STMN3: variants seen among roughly 807,000 people sequenced by gnomAD.
The protein encoded by STMN3 is stathmin 3, also known as stathmin-3.
Under a neutral mutation model 23.2 loss-of-function variants are expected in STMN3, and 24 were observed. That is an observed-to-expected ratio of 1.03 (90% CI 0.75 to 1.45). The LOEUF (loss-of-function observed/expected upper bound fraction) is 1.45. Ranked by LOEUF, STMN3 falls within the 40% of genes most tolerant of loss-of-function variation. The pLI is 0.00. For synonymous variants in STMN3, 117 were observed against 103.4 expected (o/e 1.13, Z -0.80); for missense variants, 235 against 237.6 (o/e 0.99, Z 0.07).
chr20:63,642,367 T>A, intron 3 of STMN3, 68 bp from the exon 4 acceptor site: 1 of 1,205,546 alleles, frequency 8.3e-7, no homozygotes. Flanking sequence ...TCCTCCCTGC[T>A]CTCCGCCTCC....
At chr20:63,647,745 G>GTA (rs532361828) in intron 1 of STMN3, among the ~76,000 whole-genome samples, 1 of 111,696 alleles carries the variant, frequency 9.0e-6, no homozygotes, top group Non-Finnish European at 1.9e-5. Flanking sequence ...ATATACACGT[G>GTA]TATATATATA....
chr20:63,641,045 T>C lies in STMN3; in HGVS notation c.*293A>G, dbSNP rs2089756802. On this transcript the variant is annotated 3_prime_UTR_variant, in exon 5 of 5. Transcript: ENST00000370053. ...TGATCCCACGCCACCGCCCTGGGTT[T>C]ACCACGGTCACCGCCACCTCTCTCA... The C allele has an allele frequency of 3.9e-6, 2 of 508,568 alleles. No individual in the cohort carries two copies. The highest frequency in any genetic ancestry group is 2.0e-5 in the South Asian group (1 of 50,126). The allele number at this position is 508,568 out of a possible 1,614,324, so 31.5% of individuals were successfully genotyped here.
intron 1 of STMN3, among the ~76,000 whole-genome samples, chr20:63,647,176 C>G (rs528854896): frequency 6.6e-6 from 1 of 151,370 alleles, no homozygotes; most frequent in African/African-American, 2.4e-5. Context: ...GGCGTGGTGG[C>G]GGGCTCCTCT....
At position 63,652,860 on chromosome 20, in the gene STMN3, C is replaced by T; in HGVS notation, c.19+467G>A. 1.1e-6 allele frequency: 1 copy of T among 916,074 alleles called. No individual in the cohort carries two copies. Among genetic ancestry groups the T allele is most frequent in the Non-Finnish European group, 1.3e-6 (1 of 766,686 alleles). 56.7% of individuals were successfully genotyped at this position (916,074 alleles called of 1,614,324 possible). On this transcript the variant is annotated intron_variant, in intron 1 of 4. Coordinates refer to ENST00000370053, the MANE Select transcript of STMN3 (RefSeq NM_015894.4). This position sits in a 1 kb window ranked among gnomAD's most constrained non-coding sequence, Gnocchi z 5.3. ...CCCTCCAGCCCCTGTGCTGCACTGGCGCGGGGAGCGCCGGGTTCCCGGCTG... is the reference window on the plus strand; with the variant it reads ...CCCTCCAGCCCCTGTGCTGCACTGGTGCGGGGAGCGCCGGGTTCCCGGCTG...
rs2089872155 is a variant in STMN3 at position 63,652,940 on chromosome 20, G to A, written c.19+387C>T. On this transcript the variant is annotated intron_variant, in intron 1 of 4. Coordinates refer to ENST00000370053, the MANE Select transcript of STMN3 (RefSeq NM_015894.4). This position sits in a 1 kb window ranked among gnomAD's most constrained non-coding sequence, Gnocchi z 5.3. ...CCGCCTCCCCACGAAGGCTCTGGCGGACCCAGATCTCGGGTCGCCGGACGC... is the reference window on the plus strand; with the variant it reads ...CCGCCTCCCCACGAAGGCTCTGGCGAACCCAGATCTCGGGTCGCCGGACGC... Among the ~76,000 whole-genome samples, 3 of 152,140 alleles carry A rather than the reference G, an allele frequency of 2.0e-5. No individual in the cohort carries two copies. The South Asian group carries it at 6.2e-4, about 32-fold the overall frequency.
rs766973213 is a variant in STMN3, at chr20:63,641,377, C to T, written c.504G>A (p.Val168=). The T allele has an allele frequency of 1.3e-6, 2 of 1,568,500 alleles. No homozygotes were observed. The highest frequency in any genetic ancestry group is 2.4e-5 in the East Asian group (1 of 42,538). Residue 168 remains valine (V), a synonymous_variant, in exon 5 of 5, where the codon GTG becomes GTA. Transcript: ENST00000370053. Reference sequence around the variant, plus strand: ...CTTCTCGCTGCTCCTTGTTCCTGCGCACCTCGGCCGCGTGCAGCTCCTGCA... The same window carrying T: ...CTTCTCGCTGCTCCTTGTTCCTGCGTACCTCGGCCGCGTGCAGCTCCTGCA... ...LREKELHAAE[V]RRNKEQREEM...
chr20:63,643,927 C>G lies in STMN3; in HGVS notation c.120G>C (p.Met40Ile). ...CCCGCTTGTCCAGCTGCTTCACCTCCATGTCTGCAGGGCAAGACCAGAGTA... is the reference window on the plus strand; with the variant it reads ...CCCGCTTGTCCAGCTGCTTCACCTCGATGTCTGCAGGGCAAGACCAGAGTA... ...HPNTVYQYGD[M>I]EVKQLDKRAS... Residue 40 changes from methionine (M) to isoleucine (I), a missense_variant, in exon 3 of 5, where the codon ATG (methionine) becomes ATC (isoleucine). Coordinates refer to ENST00000370053, the MANE Select transcript of STMN3 (RefSeq NM_015894.4). The G allele has an allele frequency of 6.3e-7, 1 of 1,596,790 alleles. No homozygotes were observed. The highest frequency in any genetic ancestry group is 8.5e-7 in the Non-Finnish European group (1 of 1,175,666).
At chr20:63,644,155 G>T in intron 2 of STMN3, 59 bp downstream of exon 2, 2 of 1,513,846 alleles carry the variant, frequency 1.3e-6, no homozygotes, top group South Asian at 1.1e-5. Context: ...CGGAGGCCGG[G>T]GGAAAAGGTG....
chr20:63,641,264 G>C lies in STMN3; in HGVS notation c.*74C>G. ...GGAGGAGGAACAAAAGTTGCATCTA[G>C]ACAGAGGTGAACGAAACAAAACCAA... is the stretch of plus-strand genomic sequence containing the variant. On this transcript the variant is annotated 3_prime_UTR_variant, in exon 5 of 5. Coordinates refer to ENST00000370053, the MANE Select transcript of STMN3 (RefSeq NM_015894.4). 7.2e-7 allele frequency: 1 copy of C among 1,388,690 alleles called. No homozygotes were observed. The highest frequency in any genetic ancestry group is 1.0e-6 in the Non-Finnish European group (1 of 1,002,220). 86.0% of individuals were successfully genotyped at this position (1,388,690 alleles called of 1,614,324 possible).
At position 63,652,535 on chromosome 20, in the gene STMN3, C is replaced by G. The variant is rs1477526427; in HGVS notation, c.19+792G>C. 7 of 980,572 alleles carry G rather than the reference C, an allele frequency of 7.1e-6. No individual in the cohort carries two copies. Among genetic ancestry groups the G allele is most frequent in the Non-Finnish European group, 8.5e-6 (7 of 825,668 alleles). 60.7% of individuals were successfully genotyped at this position (980,572 alleles called of 1,614,324 possible). A position where few individuals can be genotyped will look rare whatever the true frequency, so the allele number is the denominator to read the frequency against. ...CTGCGCCCGCCCCTCCGCCTGAGCTCCGCGCGGGACGGGCCGGGAGGCCGG... is the reference window on the plus strand; with the variant it reads ...CTGCGCCCGCCCCTCCGCCTGAGCTGCGCGCGGGACGGGCCGGGAGGCCGG... On this transcript the variant is annotated intron_variant, in intron 1 of 4. Coordinates refer to ENST00000370053, the MANE Select transcript of STMN3 (RefSeq NM_015894.4). This position sits in a 1 kb window ranked among gnomAD's most constrained non-coding sequence, Gnocchi z 5.3.
At chr20:63,647,171 G>C (rs2089815425) in intron 1 of STMN3, among the ~76,000 whole-genome samples, 1 of 151,678 alleles carries the variant, frequency 6.6e-6, no homozygotes, top group Admixed American at 6.6e-5. Flanking sequence ...AGCCAGGCGT[G>C]GTGGCGGGCT....
At chr20:63,651,757 G>A (rs564494110) in intron 1 of STMN3, among the ~76,000 whole-genome samples, 7 of 152,334 alleles carry the variant, frequency 4.6e-5, no homozygotes, top group African/African-American at 1.4e-4. Context: ...GAGAGGTTAG[G>A]CAGCTCGGAC....
intron 3 of STMN3, among the ~76,000 whole-genome samples, chr20:63,642,615 G>A (rs527337519): frequency 1.3e-5 from 2 of 152,292 alleles, no homozygotes; most frequent in Admixed American, 6.5e-5. Context: ...ACCCTGCCCT[G>A]CGCGTCTGCC....
chr20:63,641,024 C>G lies in STMN3; in HGVS notation c.*314G>C, dbSNP rs1381508139. ...ACAGCCCAGCGTAAGGACCCGTGAT[C>G]CCACGCCACCGCCCTGGGTTTACCA... On this transcript the variant is annotated 3_prime_UTR_variant, in exon 5 of 5. Transcript: ENST00000370053. 1.5e-5 allele frequency: 7 copies of G among 464,368 alleles called. No individual in the cohort carries two copies. In the Admixed American group the frequency reaches 2.4e-4, roughly 16 times the overall value. 28.8% of individuals were successfully genotyped at this position (464,368 alleles called of 1,614,324 possible). A position where few individuals can be genotyped will look rare whatever the true frequency, so the allele number is the denominator to read the frequency against.
chr20:63,648,512 G>A (rs897607512), intron 1 of STMN3, among the ~76,000 whole-genome samples: 2 of 152,114 alleles, frequency 1.3e-5, no homozygotes, highest in African/African-American at 4.8e-5. Flanking sequence ...GAGGCAGGAG[G>A]ATCGCTTGAG....
intron 1 of STMN3, among the ~76,000 whole-genome samples, chr20:63,650,976 T>C (rs1253750886): frequency 2.3e-5 from 3 of 132,018 alleles, no homozygotes; most frequent in Non-Finnish European, 4.9e-5. Context: ...TTTTTTTTTT[T>C]AGAAAGAGTT....
chr20:63,644,660 A>G (rs1201408120), intron 1 of STMN3, among the ~76,000 whole-genome samples: 1 of 152,036 alleles, frequency 6.6e-6, no homozygotes, highest in Non-Finnish European at 1.5e-5. Context: ...CCCAAAACTC[A>G]TGTGTTGAAA....
rs2089876557 is a variant in STMN3, at chr20:63,653,380, G to A, written c.-35C>T. The A allele has an allele frequency of 1.3e-6, 2 of 1,539,374 alleles. No individual in the cohort carries two copies. Among genetic ancestry groups the A allele is most frequent in the Non-Finnish European group, 1.7e-6 (2 of 1,142,990 alleles). On this transcript the variant is annotated 5_prime_UTR_variant, in exon 1 of 5. Coordinates refer to ENST00000370053, the MANE Select transcript of STMN3 (RefSeq NM_015894.4). Reference sequence around the variant, plus strand: ...GGCGGTTGGGCCTGCGGAGGCTGGAGAGGCGCAAGTGGCGGCCGGAGCTGC... The same window carrying A: ...GGCGGTTGGGCCTGCGGAGGCTGGAAAGGCGCAAGTGGCGGCCGGAGCTGC...
intron 2 of STMN3, 127 bp downstream of exon 2, chr20:63,644,087 C>T: frequency 7.5e-7 from 1 of 1,329,324 alleles, no homozygotes; most frequent in Non-Finnish European, 1.0e-6. Context: ...GGATGGGCCC[C>T]TTCCCCCTAG....
Sources: allele counts gnomAD v4.1 joint callset (sites outside exome capture counted in the v4.1 genomes callset), GRCh38; gene constraint gnomAD v4.1.1; non-coding constraint Gnocchi (gnomAD v3.1); transcripts MANE v1.5; gene names NCBI Gene and HGNC (gene_info 2026-07-23, HGNC 2026-07-21).